The following DNAH8 variants were observed in gnomAD, a reference collection of about 807,000 sequenced individuals.
The protein encoded by DNAH8 is axonemal beta dynein heavy chain 8.
Under a neutral mutation model 562.1 loss-of-function variants are expected in DNAH8, and 382 were observed. The observed-to-expected ratio is 0.68, with a 90% CI of 0.63 to 0.74. The LOEUF is 0.74. Ranked by LOEUF, DNAH8 falls within the 30% of genes least tolerant of loss-of-function variation. The probability of loss-of-function intolerance (pLI) is 0.00; values close to 1 mark genes in which losing one functional copy is unlikely to be tolerated. For missense variants in DNAH8, 5,203 were observed against 5,620.4 expected, an observed-to-expected ratio of 0.93 and a Z score of 2.37; for synonymous variants, 1,881 against 1,919.4, an observed-to-expected ratio of 0.98 and a Z score of 0.52.
intron 48 of DNAH8, among the ~76,000 whole-genome samples, chr6:38,869,286 C>T (rs1777288603): frequency 6.6e-6 from 1 of 152,114 alleles, no homozygotes; most frequent in Admixed American, 6.5e-5. Context: ...TCACCATCAG[C>T]TGAGAAGAGG....
chr6:39,011,743 C>G (rs752827126), intron 89 of DNAH8, among the ~76,000 whole-genome samples: 1 of 152,188 alleles, frequency 6.6e-6, no homozygotes, highest in African/African-American at 2.4e-5. Context: ...CAACAATGAT[C>G]TTTGGAAACT....
At chr6:38,857,857 T>C (rs183257511) in intron 42 of DNAH8, 115 bp downstream of exon 42, 363 of 658,596 alleles carry the variant, frequency 5.5e-4, no homozygotes, top group Non-Finnish European at 8.3e-4. Flanking sequence ...TTCATAACTG[T>C]CCATCAATAT....
intron 49 of DNAH8, among the ~76,000 whole-genome samples, chr6:38,871,058 C>T (rs2150429957): frequency 6.6e-6 from 1 of 152,330 alleles, no homozygotes; most frequent in Admixed American, 6.5e-5. Context: ...CTTGTGACAA[C>T]CATCTAACCA....
Position 38,729,972 on chromosome 6 carries a change from A to G in DNAH8, c.596A>G (p.Asp199Gly). 6.3e-7 allele frequency: 1 copy of G among 1,579,966 alleles called. No homozygotes were observed. The highest frequency in any genetic ancestry group is 8.7e-7 in the Non-Finnish European group (1 of 1,152,464). ...CTGAAATTTTTGTACCAAGAAGGAG[A>G]TGTACCTGGTATTGGTAAGAATTTT... ...KTLKFLYQEG[D>G]VPGIECGRTI... Residue 199 changes from aspartate (D) to glycine (G), a missense_variant, in exon 4 of 93, where the codon GAT (aspartate) becomes GGT (glycine). By Grantham distance (94) the Asp-to-Gly change is moderately conservative (BLOSUM62 -1). Coordinates refer to ENST00000327475, the MANE Select transcript of DNAH8 (RefSeq NM_001206927.2).
At chr6:38,815,684 C>A in intron 26 of DNAH8, 27 bp downstream of exon 26, 1 of 1,568,676 alleles carries the variant, frequency 6.4e-7, no homozygotes, top group Non-Finnish European at 8.7e-7. Context: ...AGTCAATGAT[C>A]TTACTGATCC....
Position 38,862,331 on chromosome 6 carries a change from C to T in DNAH8, c.6183C>T (p.Pro2061=), listed in dbSNP as rs143246100. 20 of 1,613,956 alleles carry T rather than the reference C, an allele frequency of 1.2e-5. No homozygotes were observed. The highest frequency in any genetic ancestry group is 8.3e-5 in the Admixed American group (5 of 59,986). ...QALGMNMGGA[P]AGPAGTGKTE... Reference sequence around the variant, plus strand: ...TGGGCATGAACATGGGAGGTGCTCCCGCAGGACCTGCTGGCACTGGCAAAA... The same window carrying T: ...TGGGCATGAACATGGGAGGTGCTCCTGCAGGACCTGCTGGCACTGGCAAAA... The change falls in exon 44 of 93, where the codon CCC becomes CCT. Residue 2061 remains proline, a synonymous_variant. Transcript: ENST00000327475.
intron 58 of DNAH8, among the ~76,000 whole-genome samples, chr6:38,891,393 A>G (rs1779330998): frequency 6.6e-6 from 1 of 152,246 alleles, no homozygotes; most frequent in South Asian, 2.1e-4. Context: ...AAAGCCATGA[A>G]GGAGATAAGG....
chr6:38,818,652 T>C (rs989622705), intron 26 of DNAH8, among the ~76,000 whole-genome samples: 3 of 152,062 alleles, frequency 2.0e-5, no homozygotes, highest in African/African-American at 7.3e-5. Flanking sequence ...GATAGTTATG[T>C]TCTAAGCATA....
In DNAH8 at chr6:38,874,062, C is replaced by CTT. The variant is rs1170945115; in HGVS notation, c.7620+688_7620+689dup. On this transcript the variant is annotated intron_variant, in intron 52 of 92. Coordinates refer to ENST00000327475, the MANE Select transcript of DNAH8 (RefSeq NM_001206927.2). ...CTTTTCTTTCTTTCTTTCTTTCTTT[C>CTT]TTTCTTTTTCTTTCTTTCTTTCTTT... Among the ~76,000 whole-genome samples, 265 of 38,320 alleles carry CTT rather than the reference C, an allele frequency of 6.9e-3. 57 individuals are homozygous for CTT. Among genetic ancestry groups the CTT allele is most frequent in the East Asian group, 0.041 (24 of 582 alleles). The allele number at this position is 38,320 out of a possible 152,430, so 25.1% of individuals were successfully genotyped here.
Position 38,935,698 on chromosome 6 carries a change from G to A in DNAH8, c.11563+1G>A, listed in dbSNP as rs776791493. On this transcript the variant is annotated splice_donor_variant, in intron 77 of 92. Transcript: ENST00000327475. LOFTEE classifies it high-confidence loss of function. ...CTCTATAAATTAAGTGCTACAAAAG[G>A]TATTGTGTTATTAAGAAGTAATGAA... is the stretch of plus-strand genomic sequence containing the variant. The A allele has an allele frequency of 3.1e-6, 5 of 1,587,496 alleles. No individual in the cohort carries two copies. The Admixed American group carries it at 5.2e-5, about 16-fold the overall frequency.
In DNAH8 at chr6:38,860,546, G is replaced by A. The variant is rs1776538573; in HGVS notation, c.6048G>A (p.Val2016=). The change falls in exon 43 of 93, where the codon GTG becomes GTA. Residue 2016 remains valine, a synonymous_variant. Coordinates refer to ENST00000327475, the MANE Select transcript of DNAH8 (RefSeq NM_001206927.2). ...AGGAAGATTTGGATCAAACTGTGGT[G>A]TCTATTACAGATGTTGATTTTATTT... ...YFKEDLDQTV[V]SITDVDFIYQ... 3.9e-6 allele frequency: 6 copies of A among 1,536,924 alleles called. No individual in the cohort carries two copies. In the East Asian group the frequency reaches 1.2e-4, roughly 31 times the overall value.
intron 74 of DNAH8, among the ~76,000 whole-genome samples, chr6:38,927,139 GA>G (rs1266676514): frequency 6.6e-6 from 1 of 151,968 alleles, no homozygotes; most frequent in African/African-American, 2.4e-5. Context: ...CATCATTATA[GA>G]AAAAAAGAAC....
Position 39,030,537 on chromosome 6 carries a change from TGC to T in DNAH8, c.*147_*148del. 1 of 656,376 alleles carries T rather than the reference TGC, an allele frequency of 1.5e-6. No homozygotes were observed. The highest frequency in any genetic ancestry group is 2.1e-5 in the South Asian group (1 of 48,044). 40.7% of individuals were successfully genotyped at this position (656,376 alleles called of 1,614,324 possible). On this transcript the variant is annotated 3_prime_UTR_variant, in exon 93 of 93. Coordinates refer to ENST00000327475, the MANE Select transcript of DNAH8 (RefSeq NM_001206927.2). ...AAAGTTGATGTTCTAAAATTGCTAG[TGC>T]GTGTGTGTTTTCCTCACATATCAAT...
intron 21 of DNAH8, among the ~76,000 whole-genome samples, chr6:38,793,991 A>T (rs529548866): frequency 6.6e-6 from 1 of 152,080 alleles, no homozygotes; most frequent in African/African-American, 2.4e-5. Flanking sequence ...GTTTCTTTTT[A>T]TTTATTTCTA....
chr6:38,931,078 G>T (rs1207394905), intron 75 of DNAH8, among the ~76,000 whole-genome samples: 1 of 152,062 alleles, frequency 6.6e-6, no homozygotes, highest in African/African-American at 2.4e-5. Flanking sequence ...ATTCCCGAAG[G>T]TCTTTTAAAA....
chr6:38,853,346 A>T lies in DNAH8; in HGVS notation c.5732A>T (p.Gln1911Leu). ...LLPFLSHFPA[Q>L]VGLLGIQMLW... is the part of the protein sequence containing the mutation. ...CCATTCCTCAGCCACTTTCCAGCAC[A>T]GGTGAGAATACACAATGCTTAAGTA... Residue 1911 changes from glutamine (Q) to leucine (L), a missense_variant and splice_region_variant, in exon 41 of 93, where the codon CAG becomes CTG. Gln to Leu is a moderately radical substitution (Grantham distance 113). This residue lies in a region of DNAH8 where 2,176 missense variants were observed against 2,365.1 expected (regional missense o/e 0.92). Coordinates refer to ENST00000327475, the MANE Select transcript of DNAH8 (RefSeq NM_001206927.2). 6 of 1,611,966 alleles carry T rather than the reference A, an allele frequency of 3.7e-6. No homozygotes were observed. Among genetic ancestry groups the T allele is most frequent in the Non-Finnish European group, 5.1e-6 (6 of 1,179,284 alleles).
At chr6:38,903,120 T>C (rs1451152365) in intron 62 of DNAH8, among the ~76,000 whole-genome samples, 1 of 152,196 alleles carries the variant, frequency 6.6e-6, no homozygotes, top group Non-Finnish European at 1.5e-5. Context: ...CCATTCCATA[T>C]AGCCTAGGTA....
chr6:38,999,021 G>T (rs563114818), intron 88 of DNAH8, among the ~76,000 whole-genome samples: 1 of 152,156 alleles, frequency 6.6e-6, no homozygotes, highest in African/African-American at 2.4e-5. Flanking sequence ...TTCAGCCCTG[G>T]AATACCAGGG....
chr6:38,855,102 G>A (rs9394545), intron 41 of DNAH8, among the ~76,000 whole-genome samples: 59,863 of 150,432 alleles, frequency 0.4, 12,791 homozygotes, highest in East Asian at 0.69. Flanking sequence ...ATTTTTTAAG[G>A]CATTTTTTCA....
Sources: gnomAD v4.1 joint callset for allele counts (sites outside exome capture counted in the v4.1 genomes callset) on GRCh38, gnomAD v4.1.1 for gene constraint, gnomAD v4.1.1 regional missense constraint, MANE v1.5 for transcripts, NCBI Gene and HGNC (gene_info 2026-07-23, HGNC 2026-07-21) for gene names.